Variants in ABCA8 observed in about 807,000 individuals in gnomAD.
The protein encoded by ABCA8 is ATP binding cassette subfamily A member 8.
In ABCA8, 177 loss-of-function variants were observed where a neutral mutation model predicts 192.3. The observed-to-expected ratio is 0.92, with a 90% confidence interval of 0.81 to 1.04. The LOEUF is 1.04. ABCA8 is among the 50% of genes least tolerant of loss of function. The pLI is 0.00. For missense variants in ABCA8, 1,915 were observed against 1,904.8 expected, an observed-to-expected ratio of 1.01 and a Z score of -0.10; for synonymous variants, 642 against 690.2, an observed-to-expected ratio of 0.93 and a Z score of 1.09.
At position 68,907,852 on chromosome 17, in the gene ABCA8, C is replaced by T. The variant is rs1248146291; in HGVS notation, c.2166G>A (p.Glu722=). ...LSLQLNEICV[E]ENITSLVKQH... ...GTTTAACAAGTGATGTTATGTTTTC[C>T]TCAACACATATTTCATTTAACTGCA... Residue 722 remains glutamate, a synonymous_variant, in exon 18 of 40, where the codon GAG becomes GAA. Transcript: ENST00000586539. 6.3e-7 allele frequency: 1 copy of T among 1,592,312 alleles called. No individual in the cohort carries two copies. The highest frequency in any genetic ancestry group is 1.8e-5 in the Admixed American group (1 of 56,124).
chr17:68,879,560 G>A (rs1209327088), intron 32 of ABCA8: 2 of 152,448 alleles, frequency 1.3e-5, no homozygotes, highest in African/African-American at 4.8e-5. Context: ...CAGCCTGTCT[G>A]GAGCCACCAC....
At position 68,899,095 on chromosome 17, in the gene ABCA8, T is replaced by TA. The variant is rs569096002; in HGVS notation, c.2764+3617dup. Among the ~76,000 whole-genome samples the TA allele has an allele frequency of 3.6e-4, 55 of 151,752 alleles. 2 individuals are homozygous for TA. In the South Asian group the frequency reaches 6.7e-3, roughly 18 times the overall value. ...CCAAGAACATAATTCAAAAATATAA[T>TA]AAAAAATCGTTAAAATAATTAAATC... On this transcript the variant is annotated intron_variant, in intron 21 of 39. Coordinates refer to ENST00000586539, the MANE Select transcript of ABCA8 (RefSeq NM_001288985.2).
intron 23 of ABCA8, 106 bp from the exon 24 acceptor site, chr17:68,891,702 G>T: frequency 1.3e-6 from 1 of 790,136 alleles, no homozygotes; most frequent in South Asian, 1.8e-5. Context: ...TCTGCCTTAG[G>T]TCCCTTTTGA....
intron 6 of ABCA8, among the ~76,000 whole-genome samples, chr17:68,932,958 G>T (rs369098070): frequency 1.3e-5 from 2 of 152,000 alleles, no homozygotes; most frequent in South Asian, 2.1e-4. Context: ...TATATTCCTG[G>T]CTTCCCAACA....
chr17:68,887,247 T>A, intron 25 of ABCA8, 89 bp downstream of exon 25: 1 of 1,362,258 alleles, frequency 7.3e-7, no homozygotes. Flanking sequence ...TATGACCATA[T>A]AAATATTGAT....
intron 36 of ABCA8, 41 bp from the exon 37 acceptor site, chr17:68,875,441 C>T: frequency 6.2e-7 from 1 of 1,611,056 alleles, no homozygotes. Context: ...AAAAAAAAAC[C>T]ATTCAGTATG....
intron 8 of ABCA8, 71 bp from the exon 9 acceptor site, chr17:68,929,305 C>T (rs1445311234): frequency 2.4e-6 from 3 of 1,265,544 alleles, no homozygotes; most frequent in African/African-American, 1.5e-5. Flanking sequence ...AATAGATATA[C>T]AAAATTATAG....
intron 18 of ABCA8, among the ~76,000 whole-genome samples, chr17:68,906,924 C>A (rs2067082646): frequency 6.6e-6 from 1 of 151,982 alleles, no homozygotes; most frequent in Admixed American, 6.5e-5. Flanking sequence ...AATTCTAATA[C>A]TAGGGTGATT....
intron 26 of ABCA8, among the ~76,000 whole-genome samples, chr17:68,886,625 G>C (rs566015804): frequency 6.6e-6 from 1 of 152,070 alleles, no homozygotes; most frequent in Non-Finnish European, 1.5e-5. Context: ...TTTATCTTTT[G>C]AGAGCCCTTT....
Position 68,869,517 on chromosome 17 carries a change from C to T in ABCA8, c.4711+183G>A, listed in dbSNP as rs112212418. 7.9e-3 allele frequency among the ~76,000 whole-genome samples: 1,207 copies of T among 152,226 alleles called. 15 individuals carry two copies. The highest frequency in any genetic ancestry group is 0.026 in the African/African-American group (1,100 of 41,530). On this transcript the variant is annotated intron_variant, in intron 38 of 39. Transcript: ENST00000586539. ...GTGAAAAAAATCACTCTCATTATCC[C>T]CTGGCACAGACACAGAGAATCCCTC...
At chr17:68,932,570 T>C (rs1216720983) in intron 6 of ABCA8, 56 bp from the exon 7 acceptor site, 2 of 1,252,766 alleles carry the variant, frequency 1.6e-6, no homozygotes, top group Non-Finnish European at 2.3e-6. Context: ...CATGCAGTTT[T>C]CTTTTAACCA....
chr17:68,919,060 T>A (rs761120457), intron 14 of ABCA8, among the ~76,000 whole-genome samples: 88 of 151,886 alleles, frequency 5.8e-4, no homozygotes, highest in Admixed American at 2.4e-3. Context: ...AAAATAGGGA[T>A]AATAATAGCA....
At position 68,881,176 on chromosome 17, in the gene ABCA8, C is replaced by G; in HGVS notation, c.3982G>C (p.Gly1328Arg). Residue 1328 changes from glycine (G) to arginine (R), a missense_variant, in exon 32 of 40, where the codon GGT (glycine) becomes CGT (arginine). Physicochemically the swap from Gly to Arg is moderately radical, Grantham distance 125. Transcript: ENST00000586539. ...ATCACCTTAATGGATGTGCTTTTAC[C>G]AGCTCCATTGTGTCCTAATAATCCT... ...VLGLLGHNGA[G>R]KSTSIKVITG... 1 of 1,613,788 alleles carries G rather than the reference C, an allele frequency of 6.2e-7. No individual in the cohort carries two copies. The highest frequency in any genetic ancestry group is 8.5e-7 in the Non-Finnish European group (1 of 1,179,830).
intron 1 of ABCA8, among the ~76,000 whole-genome samples, chr17:68,952,335 C>T (rs1215889298): frequency 6.6e-6 from 1 of 152,146 alleles, no homozygotes; most frequent in Non-Finnish European, 1.5e-5. Flanking sequence ...TCTCCTGCCT[C>T]AGCCTCCCGA....
chr17:68,884,606 A>C, intron 27 of ABCA8: 1 of 1,247,310 alleles, frequency 8.0e-7, no homozygotes, highest in Non-Finnish European at 1.0e-6. Context: ...ATCAATTACT[A>C]ATCACCTGGC....
intron 21 of ABCA8, among the ~76,000 whole-genome samples, chr17:68,896,381 T>C (rs541358828): frequency 7.2e-5 from 11 of 152,226 alleles, no homozygotes; most frequent in Non-Finnish European, 1.6e-4. Flanking sequence ...AGTGCTCCCT[T>C]ATCCATGGTT....
intron 16 of ABCA8, 91 bp from the exon 17 acceptor site, chr17:68,917,542 C>T: frequency 1.2e-6 from 1 of 866,710 alleles, no homozygotes; most frequent in Non-Finnish European, 1.8e-6. Flanking sequence ...TATAATCAAA[C>T]TTTAATTCAG....
In ABCA8 at chr17:68,941,947, A is replaced by T; in HGVS notation, c.88T>A (p.Ser30Thr). The change falls in exon 3 of 40, where the codon TCC becomes ACC. Residue 30 changes from serine (S) to threonine (T), a missense_variant. Physicochemically the swap from Ser to Thr is moderately conservative, Grantham distance 58. Coordinates refer to ENST00000586539, the MANE Select transcript of ABCA8 (RefSeq NM_001288985.2). ...FLKKWRMKRE[S>T]LMEWLNSLLL... ...CGGATATTGAGTCATACCATTAAGG[A>T]CTCTCTTTTCATTCTCCATTTTTTA... is the stretch of plus-strand genomic sequence containing the variant. The T allele has an allele frequency of 6.2e-7, 1 of 1,604,560 alleles. No homozygotes were observed. The highest frequency in any genetic ancestry group is 2.2e-5 in the East Asian group (1 of 44,800).
At chr17:68,928,124 A>C (rs1445363140) in intron 9 of ABCA8, 61 bp from the exon 10 acceptor site, 2 of 1,365,320 alleles carry the variant, frequency 1.5e-6, no homozygotes, top group Non-Finnish European at 2.0e-6. Context: ...TTAAACAGTT[A>C]GGTTTAGCAT....
Sources: gnomAD v4.1 joint callset for allele counts (sites outside exome capture counted in the v4.1 genomes callset) on GRCh38, gnomAD v4.1.1 for gene constraint, MANE v1.5 for transcripts, NCBI Gene and HGNC (gene_info 2026-07-23, HGNC 2026-07-21) for gene names.